The following EFCAB5 variants were observed in gnomAD, a reference collection of about 807,000 sequenced individuals.
The protein encoded by EFCAB5 is EF-hand calcium binding domain 5, also known as EF-hand calcium-binding domain-containing protein 5.
Under a neutral mutation model 167.9 loss-of-function variants are expected in EFCAB5, and 131 were observed. That is an observed-to-expected ratio of 0.78 (90% CI 0.68 to 0.90). The LOEUF is 0.90. EFCAB5 is among the 40% of genes least tolerant of loss of function. The pLI is 0.00. For synonymous variants in EFCAB5, 574 were observed against 602.8 expected (o/e 0.95, Z 0.70); for missense variants, 1,663 against 1,745.2 (o/e 0.95, Z 0.84).
intron 8 of EFCAB5, among the ~76,000 whole-genome samples, chr17:30,043,723 C>G (rs2069840153): frequency 6.6e-6 from 1 of 152,034 alleles, no homozygotes; most frequent in African/African-American, 2.4e-5. Context: ...AATGAAAGAC[C>G]TAAATAATAA....
chr17:30,069,672 G>A, intron 14 of EFCAB5: 1 of 1,461,514 alleles, frequency 6.8e-7, no homozygotes, highest in East Asian at 2.4e-5. Context: ...GTCTGCATGG[G>A]CGCTCACAGG....
At chr17:29,972,324 C>T (rs2067973306) in intron 4 of EFCAB5, among the ~76,000 whole-genome samples, 1 of 151,614 alleles carries the variant, frequency 6.6e-6, no homozygotes, top group Non-Finnish European at 1.5e-5. Flanking sequence ...GCTGGTATTA[C>T]AGGCGTGAGT....
chr17:30,019,574 T>C lies in EFCAB5; in HGVS notation c.1045-14656T>C, dbSNP rs374001501. ...AATTCTCCAGCCTCAGCATCCTGAGTAGCTGGGATTACAAGTGCCTGCCAT... is the reference window on the plus strand; with the variant it reads ...AATTCTCCAGCCTCAGCATCCTGAGCAGCTGGGATTACAAGTGCCTGCCAT... On this transcript the variant is annotated intron_variant, in intron 7 of 22. Transcript: ENST00000394835. Among the ~76,000 whole-genome samples, 27 of 152,084 alleles carry C rather than the reference T, an allele frequency of 1.8e-4. No individual in the cohort carries two copies. The East Asian group carries it at 3.7e-3, about 21-fold the overall frequency.
At chr17:30,006,253 C>G (rs901075663) in intron 7 of EFCAB5, among the ~76,000 whole-genome samples, 4 of 152,062 alleles carry the variant, frequency 2.6e-5, no homozygotes, top group African/African-American at 9.7e-5. Context: ...CAACGTTTCT[C>G]AATTGTTTTA....
chr17:30,049,635 TA>T (rs1354583526), intron 8 of EFCAB5, among the ~76,000 whole-genome samples: 2 of 152,170 alleles, frequency 1.3e-5, no homozygotes, highest in African/African-American at 4.8e-5. Context: ...TAAATCTCAC[TA>T]GTAATCAGGG....
chr17:29,960,694 G>A (rs1418512529), intron 3 of EFCAB5, among the ~76,000 whole-genome samples: 1 of 152,022 alleles, frequency 6.6e-6, no homozygotes, highest in Non-Finnish European at 1.5e-5. Flanking sequence ...TGCTTGAGTT[G>A]TTTCCACTTT....
At chr17:30,038,588 T>C (rs1281074776) in intron 8 of EFCAB5, among the ~76,000 whole-genome samples, 4 of 152,232 alleles carry the variant, frequency 2.6e-5, no homozygotes, top group East Asian at 1.9e-4. Context: ...GTTCAAGTCT[T>C]GTTACTTAAG....
At chr17:29,937,830 C>G (rs1275310359), upstream of EFCAB5, among the ~76,000 whole-genome samples, 1 of 152,172 alleles carries the variant, frequency 6.6e-6, no homozygotes, top group Non-Finnish European at 1.5e-5. Context: ...CCCCACTTAA[C>G]CTTATGGACT....
chr17:29,994,210 G>C (rs974389013), intron 5 of EFCAB5, among the ~76,000 whole-genome samples: 2 of 135,528 alleles, frequency 1.5e-5, no homozygotes, highest in African/African-American at 5.3e-5. Context: ...ACACACACGC[G>C]GTGGGGGAGC....
At position 30,021,996 on chromosome 17, in the gene EFCAB5, A is replaced by G. The variant is rs2069190770; in HGVS notation, c.1045-12234A>G. Among the ~76,000 whole-genome samples the G allele has an allele frequency of 3.9e-5, 6 of 152,310 alleles. No individual in the cohort carries two copies. The South Asian group carries it at 1.2e-3, about 32-fold the overall frequency. On this transcript the variant is annotated intron_variant, in intron 7 of 22. Coordinates refer to ENST00000394835, the MANE Select transcript of EFCAB5 (RefSeq NM_198529.4). Reference sequence around the variant, plus strand: ...GAGTATGGAGAAAACTGAGTCACTGAGTAATAATTAATATAGAGAAAAAGA... The same window carrying G: ...GAGTATGGAGAAAACTGAGTCACTGGGTAATAATTAATATAGAGAAAAAGA...
chr17:30,027,293 CTTTTTT>C (rs906468665), intron 7 of EFCAB5, among the ~76,000 whole-genome samples: 2 of 67,366 alleles, frequency 3.0e-5, no homozygotes, highest in Admixed American at 1.6e-4. Context: ...CCACACCAGT[CTTTTTT>C]TTTTTTTTTT....
chr17:30,044,569 C>T (rs2069865936), intron 8 of EFCAB5, among the ~76,000 whole-genome samples: 1 of 151,114 alleles, frequency 6.6e-6, no homozygotes, highest in African/African-American at 2.4e-5. Context: ...AAGCAAGACT[C>T]GATCTCACAA....
chr17:29,969,211 C>T lies in EFCAB5; in HGVS notation c.611C>T (p.Thr204Ile). ...AAGAAGGTTTTGACAGAAGCTGATA[C>T]TCCAAGCAAGTTTGACCCAATTAAT... ...EKKKVLTEAD[T>I]PSKFDPINYL... is the part of the protein sequence containing the mutation. Residue 204 changes from threonine to isoleucine, a missense_variant, in exon 4 of 23, where the codon ACT becomes ATT. By Grantham distance (89) the Thr-to-Ile change is moderately conservative. Coordinates refer to ENST00000394835, the MANE Select transcript of EFCAB5 (RefSeq NM_198529.4). The T allele has an allele frequency of 3.7e-6, 6 of 1,613,864 alleles. No individual in the cohort carries two copies. Among genetic ancestry groups the T allele is most frequent in the Non-Finnish European group, 5.1e-6 (6 of 1,179,844 alleles).
At chr17:29,943,506 A>G (rs1250112853) in intron 2 of EFCAB5, 59 bp from the exon 3 acceptor site, 4 of 1,398,954 alleles carry the variant, frequency 2.9e-6, no homozygotes, top group Non-Finnish European at 3.9e-6. Flanking sequence ...AATAATTTAT[A>G]CAACTTTGTT....
At chr17:30,045,564 C>G (rs959405453) in intron 8 of EFCAB5, among the ~76,000 whole-genome samples, 1 of 151,060 alleles carries the variant, frequency 6.6e-6, no homozygotes, top group African/African-American at 2.4e-5. Context: ...ATTGTCAAAA[C>G]TCGTTGAACT....
Position 30,083,027 on chromosome 17 carries a change from A to G in EFCAB5, c.3563A>G (p.Glu1188Gly). ...SITSITTYFV[E>G]PSPAQDSDYV... Reference sequence around the variant, plus strand: ...ACCTCCATCACTACGTACTTTGTAGAGCCTAGCCCAGCCCAGGTAGGCAAG... The same window carrying G: ...ACCTCCATCACTACGTACTTTGTAGGGCCTAGCCCAGCCCAGGTAGGCAAG... Residue 1188 changes from glutamate (E) to glycine (G), a missense_variant, in exon 18 of 23, where the codon GAG becomes GGG. Transcript: ENST00000394835. The G allele has an allele frequency of 6.2e-7, 1 of 1,613,906 alleles. No individual in the cohort carries two copies. Among genetic ancestry groups the G allele is most frequent in the Non-Finnish European group, 8.5e-7 (1 of 1,179,828 alleles).
At chr17:30,037,557 C>T (rs1457839393) in intron 8 of EFCAB5, among the ~76,000 whole-genome samples, 1 of 152,248 alleles carries the variant, frequency 6.6e-6, no homozygotes, top group East Asian at 1.9e-4. Flanking sequence ...TCACTATATA[C>T]TCAATAGGTG....
At chr17:29,996,027 G>A (rs2068535533) in intron 5 of EFCAB5, among the ~76,000 whole-genome samples, 1 of 152,098 alleles carries the variant, frequency 6.6e-6, no homozygotes, top group Non-Finnish European at 1.5e-5. Context: ...AGTTCTTCAA[G>A]CTAGATCTTG....
At chr17:29,937,313 A>G (rs1417302190), upstream of EFCAB5, among the ~76,000 whole-genome samples, 1 of 152,018 alleles carries the variant, frequency 6.6e-6, no homozygotes, top group East Asian at 1.9e-4. Context: ...CAGCCTCCCA[A>G]GTAGCTGGGA....
Sources: gnomAD v4.1 joint callset for allele counts (sites outside exome capture counted in the v4.1 genomes callset) on GRCh38, gnomAD v4.1.1 for gene constraint, MANE v1.5 for transcripts, NCBI Gene and HGNC (gene_info 2026-07-23, HGNC 2026-07-21) for gene names.